MDN1: variants seen among roughly 807,000 people sequenced by gnomAD.
The protein encoded by MDN1 is midasin AAA ATPase 1, also known as midasin.
In MDN1, 266 loss-of-function variants were observed where a neutral mutation model predicts 669.2. The observed-to-expected ratio is 0.40, with a 90% CI of 0.36 to 0.44. The LOEUF is 0.44. Ranked by LOEUF, MDN1 falls within the 20% of genes least tolerant of loss-of-function variation. MDN1 has a pLI of 1.00. For missense variants in MDN1, 5,940 were observed against 6,754.0 expected, an observed-to-expected ratio of 0.88 and a Z score of 4.22; for synonymous variants, 2,385 against 2,457.1, an observed-to-expected ratio of 0.97 and a Z score of 0.87.
At chr6:89,653,273 A>C in intron 93 of MDN1, 118 bp from the exon 94 acceptor site, 1 of 962,504 alleles carries the variant, frequency 1.0e-6, no homozygotes, top group Non-Finnish European at 1.5e-6. Flanking sequence ...ACTCTCCAAC[A>C]CATTTCCACA....
intron 97 of MDN1, 108 bp downstream of exon 97, chr6:89,649,916 T>A: frequency 8.8e-7 from 1 of 1,138,538 alleles, no homozygotes; most frequent in South Asian, 1.3e-5. Flanking sequence ...TTTAGCCATA[T>A]CATATTTAAA....
intron 16 of MDN1, 134 bp from the exon 17 acceptor site, chr6:89,761,882 T>C: frequency 1.6e-6 from 1 of 644,864 alleles, no homozygotes; most frequent in Non-Finnish European, 2.6e-6. Flanking sequence ...AAAACTTGTA[T>C]AATGCTAACA....
At chr6:89,809,671 G>A (rs1174393352) in intron 1 of MDN1, among the ~76,000 whole-genome samples, 1 of 151,678 alleles carries the variant, frequency 6.6e-6, no homozygotes, top group African/African-American at 2.4e-5. Context: ...AGCTACTCGG[G>A]AGGCTGAGGC....
chr6:89,692,850 G>A lies in MDN1; in HGVS notation c.10180C>T (p.Pro3394Ser), dbSNP rs772230547. ...KRLSEEYTFY[P>S]DAVSPLQASI... ...GCCTGCAGTGGGCTCACGGCATCTG[G>A]ATAGAAGGTGTACTCCTCTGACAGC... The change falls in exon 63 of 102, where the codon CCA becomes TCA. Residue 3394 changes from proline (P) to serine (S), a missense_variant. Around this residue, in one of 5 missense-constraint regions of MDN1, gnomAD observed 150 missense variants for 234.2 expected, o/e 0.64. Transcript: ENST00000369393. 29 of 1,614,118 alleles carry A rather than the reference G, an allele frequency of 1.8e-5. No individual in the cohort carries two copies. In the East Asian group the frequency reaches 6.5e-4, roughly 36 times the overall value.
Position 89,712,558 on chromosome 6 carries a change from C to G in MDN1, c.7430+17G>C. The G allele has an allele frequency of 6.2e-7, 1 of 1,609,728 alleles. No homozygotes were observed. The highest frequency in any genetic ancestry group is 8.5e-7 in the Non-Finnish European group (1 of 1,176,528). ...CCAGCCAAGAAACCAGAGACACAAG[C>G]TGAAGGCTCCACTGACCTTGTCCAG... On this transcript the variant is annotated intron_variant, in intron 48 of 101. Coordinates refer to ENST00000369393, the MANE Select transcript of MDN1 (RefSeq NM_014611.3).
At chr6:89,726,953 C>T (rs752937938) in intron 37 of MDN1, among the ~76,000 whole-genome samples, 4 of 152,064 alleles carry the variant, frequency 2.6e-5, no homozygotes, top group Non-Finnish European at 5.9e-5. Context: ...AATGTCTTGT[C>T]GTCCCTGAAT....
intron 1 of MDN1, chr6:89,815,495 G>C (rs1470824772): frequency 6.9e-6 from 2 of 291,006 alleles, no homozygotes; most frequent in Non-Finnish European, 1.4e-5. Flanking sequence ...GGAGTCATCA[G>C]TACCCCTGGG....
intron 79 of MDN1, 69 bp downstream of exon 79, chr6:89,674,035 C>A: frequency 6.4e-7 from 1 of 1,564,180 alleles, no homozygotes; most frequent in Non-Finnish European, 8.7e-7. Context: ...TCCCTTCCCA[C>A]CCCCAATTTA....
At chr6:89,738,595 A>G in intron 32 of MDN1, 140 bp from the exon 33 acceptor site, 1 of 880,032 alleles carries the variant, frequency 1.1e-6, no homozygotes, top group Non-Finnish European at 1.7e-6. Flanking sequence ...ATCAGATATA[A>G]TTAATTGAAG....
intron 2 of MDN1, among the ~76,000 whole-genome samples, chr6:89,800,155 C>T (rs1047033514): frequency 3.3e-5 from 5 of 152,010 alleles, no homozygotes; most frequent in African/African-American, 4.8e-5. Context: ...AGGCCGGGCA[C>T]GGTGGCTCAC....
intron 8 of MDN1, 95 bp from the exon 9 acceptor site, chr6:89,785,221 T>C (rs16882127): frequency 0.027 from 21,416 of 798,440 alleles, 394 homozygotes; most frequent in Non-Finnish European, 0.037. Flanking sequence ...CTGTCTCACA[T>C]AGGAAAAATA....
chr6:89,798,297 T>A (rs929508580), intron 2 of MDN1, among the ~76,000 whole-genome samples: 1 of 151,644 alleles, frequency 6.6e-6, no homozygotes, highest in African/African-American at 2.4e-5. Context: ...GTGGATCACC[T>A]GAGGTTGGGA....
chr6:89,791,545 A>C (rs1819269955), intron 5 of MDN1, among the ~76,000 whole-genome samples: 1 of 152,218 alleles, frequency 6.6e-6, no homozygotes, highest in Admixed American at 6.5e-5. Flanking sequence ...CAGGTCTATC[A>C]GGTCCATGGG....
intron 34 of MDN1, among the ~76,000 whole-genome samples, chr6:89,732,100 C>T (rs774355188): frequency 7.9e-5 from 12 of 152,072 alleles, no homozygotes; most frequent in Admixed American, 2.6e-4. Flanking sequence ...TAAAGGCTCT[C>T]GTGCCCTTTG....
At chr6:89,715,790 T>C in intron 44 of MDN1, 21 bp from the exon 45 acceptor site, 3 of 1,495,018 alleles carry the variant, frequency 2.0e-6, no homozygotes, top group Non-Finnish European at 2.8e-6. Flanking sequence ...AGAATTCAGA[T>C]GGTGGATAGG....
intron 40 of MDN1, 105 bp downstream of exon 40, chr6:89,722,850 A>G: frequency 1.0e-6 from 1 of 961,924 alleles, no homozygotes; most frequent in Non-Finnish European, 1.4e-6. Flanking sequence ...CAGTCTCAAA[A>G]AAAAAAAAAA....
intron 30 of MDN1, 81 bp from the exon 31 acceptor site, chr6:89,743,361 G>A: frequency 6.5e-7 from 1 of 1,536,078 alleles, no homozygotes; most frequent in Non-Finnish European, 8.9e-7. Flanking sequence ...GTGTTTCCAG[G>A]GGTGAAGTAG....
At chr6:89,698,350 A>G (rs1463326691) in intron 59 of MDN1, among the ~76,000 whole-genome samples, 1 of 152,266 alleles carries the variant, frequency 6.6e-6, no homozygotes, top group Non-Finnish European at 1.5e-5. Flanking sequence ...GAAGAGGGAG[A>G]AAATGCAAGA....
intron 5 of MDN1, among the ~76,000 whole-genome samples, chr6:89,792,110 T>C (rs1168214305): frequency 6.6e-6 from 1 of 151,924 alleles, no homozygotes; most frequent in Non-Finnish European, 1.5e-5. Context: ...CCTCGTGATC[T>C]GCCCGCCTCG....
Sources: gnomAD v4.1 joint callset for allele counts (sites outside exome capture counted in the v4.1 genomes callset) on GRCh38, gnomAD v4.1.1 for gene constraint, gnomAD v4.1.1 regional missense constraint, MANE v1.5 for transcripts, NCBI Gene and HGNC (gene_info 2026-07-23, HGNC 2026-07-21) for gene names.